Variants in AKAP19 observed in about 807,000 individuals in gnomAD.
The protein encoded by AKAP19 is small A-kinase anchoring protein.
the AKAP19 span, among the ~76,000 whole-genome samples, chr2:190,193,523 G>GTGTAA: frequency 6.6e-6 from 1 of 152,078 alleles, no homozygotes; most frequent in Non-Finnish European, 1.5e-5. Context: ...CTCTAGTGTA[G>GTGTAA]CCATTAGGGC....
At chr2:190,156,665 G>A in the AKAP19 span, among the ~76,000 whole-genome samples, 3 of 152,106 alleles carry the variant, frequency 2.0e-5, no homozygotes, top group Non-Finnish European at 4.4e-5. Context: ...GAAATCATGC[G>A]CAGCCTTGCT....
the AKAP19 span, among the ~76,000 whole-genome samples, chr2:190,116,245 G>A: frequency 5.9e-5 from 9 of 152,110 alleles, no homozygotes; most frequent in Non-Finnish European, 1.3e-4. Flanking sequence ...GAAATTTATG[G>A]GCTCATGGTT....
chr2:189,922,951 AC>A, the AKAP19 span, among the ~76,000 whole-genome samples: 1 of 152,066 alleles, frequency 6.6e-6, no homozygotes, highest in Non-Finnish European at 1.5e-5. Context: ...GGAGTTCAAG[AC>A]CAGCCTGGAC....
At chr2:190,110,264 T>G in the AKAP19 span, among the ~76,000 whole-genome samples, 2 of 152,220 alleles carry the variant, frequency 1.3e-5, no homozygotes, top group Non-Finnish European at 2.9e-5. Context: ...AGTTGAAAAC[T>G]ACCTTTATGA....
the AKAP19 span, among the ~76,000 whole-genome samples, chr2:190,058,742 A>G: frequency 6.6e-6 from 1 of 152,016 alleles, no homozygotes; most frequent in South Asian, 2.1e-4. Context: ...TTCGAAGGGA[A>G]TGGAAAACCA....
chr2:190,198,975 G>A, the AKAP19 span, among the ~76,000 whole-genome samples: 1 of 152,200 alleles, frequency 6.6e-6, no homozygotes, highest in African/African-American at 2.4e-5. Flanking sequence ...CTGAGCTTCT[G>A]TACAATTTCA....
At chr2:189,982,159 G>T in the AKAP19 span, among the ~76,000 whole-genome samples, 1 of 151,684 alleles carries the variant, frequency 6.6e-6, no homozygotes, top group Admixed American at 6.6e-5. Context: ...TATAGGTTTG[G>T]TCACTTTACA....
the AKAP19 span, among the ~76,000 whole-genome samples, chr2:190,060,747 T>G: frequency 6.6e-6 from 1 of 151,914 alleles, no homozygotes; most frequent in East Asian, 1.9e-4. Context: ...ATGATGATGA[T>G]TAGAGAGAAC....
the AKAP19 span, among the ~76,000 whole-genome samples, chr2:190,046,411 C>G: frequency 2.6e-5 from 4 of 152,116 alleles, no homozygotes; most frequent in Non-Finnish European, 4.4e-5. Flanking sequence ...ACATTCAGAC[C>G]TTTATCACTT....
chr2:190,148,187 C>T, the AKAP19 span, among the ~76,000 whole-genome samples: 1 of 152,130 alleles, frequency 6.6e-6, no homozygotes, highest in African/African-American at 2.4e-5. Context: ...CCCTTGTTTG[C>T]TGATTTTGTT....
chr2:190,072,413 G>A, the AKAP19 span, among the ~76,000 whole-genome samples: 1 of 151,966 alleles, frequency 6.6e-6, no homozygotes, highest in Non-Finnish European at 1.5e-5. Context: ...TAAAATAAAA[G>A]TTGAAATAAA....
the AKAP19 span, among the ~76,000 whole-genome samples, chr2:190,086,344 T>C: frequency 6.6e-6 from 1 of 152,232 alleles, no homozygotes; most frequent in African/African-American, 2.4e-5. Context: ...TGATAACCTG[T>C]AATAATTTCA....
At chr2:189,919,781 A>T in the AKAP19 span, among the ~76,000 whole-genome samples, 6 of 152,148 alleles carry the variant, frequency 3.9e-5, no homozygotes, top group African/African-American at 1.4e-4. Flanking sequence ...GCTTCACTTT[A>T]TGTTGTCTCT....
the AKAP19 span, among the ~76,000 whole-genome samples, chr2:189,994,470 G>A: frequency 6.6e-5 from 10 of 151,944 alleles, no homozygotes; most frequent in East Asian, 3.9e-4. Flanking sequence ...TGCTTTTGCC[G>A]TATCCCAGAG....
the AKAP19 span, among the ~76,000 whole-genome samples, chr2:189,971,995 C>T: frequency 1.3e-5 from 2 of 152,074 alleles, no homozygotes; most frequent in Non-Finnish European, 2.9e-5. Context: ...AATTAGATCC[C>T]ATTTGTCAAT....
At chr2:190,013,505 GTATTTATT>G in the AKAP19 span, among the ~76,000 whole-genome samples, 7 of 151,076 alleles carry the variant, frequency 4.6e-5, no homozygotes, top group Non-Finnish European at 1.0e-4. Flanking sequence ...TTGTTTATTT[GTATTTATT>G]TATTTATTTA....
the AKAP19 span, among the ~76,000 whole-genome samples, chr2:190,011,773 C>G: frequency 1.6e-3 from 245 of 152,226 alleles, no homozygotes; most frequent in African/African-American, 5.7e-3. Flanking sequence ...GCTTGCTATT[C>G]TTTTCCATTG....
the AKAP19 span, among the ~76,000 whole-genome samples, chr2:189,961,536 T>A: frequency 6.6e-6 from 1 of 152,170 alleles, no homozygotes; most frequent in Non-Finnish European, 1.5e-5. Flanking sequence ...CTTTAAAACA[T>A]ATATTTTATA....
chr2:190,087,415 G>A, the AKAP19 span, among the ~76,000 whole-genome samples: 2 of 152,184 alleles, frequency 1.3e-5, no homozygotes, highest in African/African-American at 2.4e-5. Flanking sequence ...CGCCAGGGTA[G>A]CTAGGGGAGG....
Sources: allele counts gnomAD v4.1 joint callset (sites outside exome capture counted in the v4.1 genomes callset), GRCh38; gene constraint gnomAD v4.1.1; transcripts MANE v1.5; gene names NCBI Gene and HGNC (gene_info 2026-07-23, HGNC 2026-07-21).